KIAA1217: variants seen among roughly 807,000 people sequenced by gnomAD.
KIAA1217 encodes the protein sickle tail protein homolog.
KIAA1217 carries 88 observed loss-of-function variants against 163.9 expected under a neutral mutation model. The ratio of observed to expected loss-of-function variants is 0.54; its 90% CI spans 0.45 to 0.64. KIAA1217 has a LOEUF of 0.64. KIAA1217 is among the 30% of genes least tolerant of loss of function. The probability of loss-of-function intolerance (pLI) is 0.00; values close to 1 mark genes in which losing one functional copy is unlikely to be tolerated. For synonymous variants in KIAA1217, 903 were observed against 923.1 expected (o/e 0.98, Z 0.39); for missense variants, 2,372 against 2,475.0 (o/e 0.96, Z 0.88).
chr10:24,017,813 G>T (rs1847554300), intron 2 of KIAA1217, among the ~76,000 whole-genome samples: 1 of 152,038 alleles, frequency 6.6e-6, no homozygotes, highest in Non-Finnish European at 1.5e-5. Context: ...TCACCCAGGG[G>T]ATTAAAAACA....
At chr10:24,533,414 A>G (rs1030392188) in intron 16 of KIAA1217, among the ~76,000 whole-genome samples, 177 bp downstream of exon 16, 2 of 152,252 alleles carry the variant, frequency 1.3e-5, no homozygotes, top group South Asian at 4.1e-4. Context: ...CAAGGCTCTC[A>G]GGATGCCTAT....
intron 1 of KIAA1217, among the ~76,000 whole-genome samples, chr10:24,216,051 A>G (rs1197100134): frequency 6.6e-6 from 1 of 152,326 alleles, no homozygotes; most frequent in East Asian, 1.9e-4. Context: ...GGAAAAATCC[A>G]CAAGAAAGAG....
At chr10:24,440,533 G>A (rs560178624) in intron 5 of KIAA1217, among the ~76,000 whole-genome samples, 3 of 152,262 alleles carry the variant, frequency 2.0e-5, no homozygotes, top group East Asian at 1.9e-4. Context: ...TGGTACCTAC[G>A]TAAGGACCAG....
intron 2 of KIAA1217, among the ~76,000 whole-genome samples, chr10:24,301,366 C>A (rs1564431915): frequency 2.0e-5 from 3 of 152,166 alleles, no homozygotes; most frequent in Admixed American, 1.3e-4. Flanking sequence ...GGCTGATAAA[C>A]TTTTTCTTCT....
chr10:23,724,136 G>A (rs1838010695), intron 1 of KIAA1217, among the ~76,000 whole-genome samples: 1 of 152,132 alleles, frequency 6.6e-6, no homozygotes, highest in Non-Finnish European at 1.5e-5. Flanking sequence ...CCATTCATGG[G>A]AAATCTACCT....
intron 2 of KIAA1217, among the ~76,000 whole-genome samples, chr10:24,060,836 A>G (rs2060696320): frequency 6.6e-6 from 1 of 152,148 alleles, no homozygotes; most frequent in Admixed American, 6.5e-5. Flanking sequence ...AAAAAAACAA[A>G]TATACTGACC....
chr10:24,404,987 G>A (rs2057048394), intron 3 of KIAA1217, among the ~76,000 whole-genome samples: 1 of 152,218 alleles, frequency 6.6e-6, no homozygotes, highest in Non-Finnish European at 1.5e-5. Context: ...GTAGGTGGGA[G>A]AGAGGAGTTT....
At chr10:24,036,935 A>G (rs1035921770) in intron 2 of KIAA1217, among the ~76,000 whole-genome samples, 3 of 152,196 alleles carry the variant, frequency 2.0e-5, no homozygotes, top group African/African-American at 7.2e-5. Context: ...TTCCAGTCCT[A>G]TCCTTTCTGA....
At chr10:23,703,736 C>T (rs1423265558) in intron 1 of KIAA1217, among the ~76,000 whole-genome samples, 1 of 151,966 alleles carries the variant, frequency 6.6e-6, no homozygotes, top group Non-Finnish European at 1.5e-5. Flanking sequence ...CCTCCTCCTC[C>T]CCTTTTCTTC....
intron 3 of KIAA1217, among the ~76,000 whole-genome samples, chr10:24,430,878 C>A (rs1014093800): frequency 2.0e-5 from 3 of 152,252 alleles, no homozygotes; most frequent in African/African-American, 7.2e-5. Context: ...CAGTTCCTAA[C>A]AAGCCAAGGA....
chr10:24,318,520 C>T (rs943692930), intron 2 of KIAA1217, among the ~76,000 whole-genome samples: 1 of 152,138 alleles, frequency 6.6e-6, no homozygotes, highest in African/African-American at 2.4e-5. Flanking sequence ...CCATCCCCCA[C>T]AATCATGTTA....
At chr10:24,186,876 T>G (rs1195269448) in intron 2 of KIAA1217, among the ~76,000 whole-genome samples, 2 of 152,038 alleles carry the variant, frequency 1.3e-5, no homozygotes, top group Non-Finnish European at 2.9e-5. Context: ...GGTGACAGAG[T>G]GAGACTCCGT....
chr10:24,201,168 G>A (rs1403594244), intron 2 of KIAA1217, among the ~76,000 whole-genome samples: 1 of 152,116 alleles, frequency 6.6e-6, no homozygotes, highest in East Asian at 1.9e-4. Flanking sequence ...CTACCACGGA[G>A]GATGAGGCAG....
intron 1 of KIAA1217, among the ~76,000 whole-genome samples, chr10:23,959,112 C>T (rs1844704218): frequency 6.6e-6 from 1 of 151,876 alleles, no homozygotes; most frequent in Non-Finnish European, 1.5e-5. Flanking sequence ...CAGTGGATGT[C>T]GGCTCCATAT....
intron 2 of KIAA1217, among the ~76,000 whole-genome samples, chr10:24,186,360 A>G (rs552419652): frequency 5.3e-4 from 80 of 152,252 alleles, no homozygotes; most frequent in African/African-American, 1.9e-3. Flanking sequence ...ACCTCTGAAG[A>G]CTTTGTGTCT....
intron 2 of KIAA1217, among the ~76,000 whole-genome samples, chr10:24,331,025 C>G (rs1238981204): frequency 6.6e-6 from 1 of 151,562 alleles, no homozygotes; most frequent in African/African-American, 2.4e-5. Flanking sequence ...CTCACTGCAG[C>G]CTTGAACTTC....
intron 2 of KIAA1217, among the ~76,000 whole-genome samples, chr10:24,105,533 A>G (rs1394944779): frequency 6.6e-6 from 1 of 152,062 alleles, no homozygotes; most frequent in Non-Finnish European, 1.5e-5. Flanking sequence ...TGCTCAAGAA[A>G]CCAGTGGTAT....
intron 2 of KIAA1217, 56 bp downstream of exon 2, chr10:24,219,965 G>C (rs1168218959): frequency 2.1e-5 from 32 of 1,489,784 alleles, no homozygotes; most frequent in Non-Finnish European, 2.6e-5. Flanking sequence ...GAACATCGAG[G>C]AAAGCAAACT....
intron 2 of KIAA1217, among the ~76,000 whole-genome samples, chr10:24,374,710 A>G (rs10828641): frequency 0.17 from 26,184 of 152,120 alleles, 2,696 homozygotes; most frequent in East Asian, 0.37. Context: ...TTCTGTCCAT[A>G]AGCCACAGAA....
Sources: gnomAD v4.1 joint callset for allele counts (sites outside exome capture counted in the v4.1 genomes callset) on GRCh38, gnomAD v4.1.1 for gene constraint, MANE v1.5 for transcripts, NCBI Gene and HGNC (gene_info 2026-07-23, HGNC 2026-07-21) for gene names.